Variants in MYO16 observed in about 807,000 individuals in gnomAD.
MYO16 encodes the protein unconventional myosin-XVI.
Under a neutral mutation model 205.3 loss-of-function variants are expected in MYO16, and 94 were observed. That is an observed-to-expected ratio of 0.46 (90% CI 0.39 to 0.54). MYO16 has a LOEUF of 0.54. Among genes scored for constraint, MYO16 ranks in the 20% least tolerant of loss-of-function variants. The pLI is 0.00. For synonymous variants in MYO16, 988 were observed against 954.0 expected (o/e 1.04, Z -0.66); for missense variants, 2,315 against 2,387.5 (o/e 0.97, Z 0.63).
At chr13:108,932,077 C>T (rs778215083) in intron 16 of MYO16, among the ~76,000 whole-genome samples, 6 of 152,140 alleles carry the variant, frequency 3.9e-5, no homozygotes, top group Non-Finnish European at 5.9e-5. Flanking sequence ...CCTTTGTGAA[C>T]GGTGATTAAT....
intron 28 of MYO16, among the ~76,000 whole-genome samples, chr13:109,111,489 C>T (rs150499133): frequency 5.3e-5 from 8 of 152,206 alleles, no homozygotes; most frequent in African/African-American, 7.2e-5. Flanking sequence ...GATGCAACTA[C>T]GATAGTACAT....
chr13:108,611,643 A>G (rs1000409951), intron 1 of MYO16, among the ~76,000 whole-genome samples: 3 of 152,198 alleles, frequency 2.0e-5, no homozygotes, highest in South Asian at 2.1e-4. Flanking sequence ...CATCTGTCAT[A>G]TCATGGGCTC....
chr13:108,804,887 A>C (rs991725048), intron 6 of MYO16, among the ~76,000 whole-genome samples: 1 of 152,146 alleles, frequency 6.6e-6, no homozygotes, highest in Non-Finnish European at 1.5e-5. Context: ...GGGTTGGACT[A>C]AGTTCTAAAT....
intron 16 of MYO16, among the ~76,000 whole-genome samples, chr13:108,927,813 A>C (rs1304539677): frequency 6.6e-6 from 1 of 152,104 alleles, no homozygotes; most frequent in Admixed American, 6.5e-5. Flanking sequence ...TCCACGGATA[A>C]GGAAATAAAT....
At position 108,663,080 on chromosome 13, in the gene MYO16, T is replaced by A. The variant is rs144375713; in HGVS notation, c.29-2806T>A. 3.3e-3 allele frequency among the ~76,000 whole-genome samples: 506 copies of A among 152,320 alleles called. 4 individuals carry two copies. The highest frequency in any genetic ancestry group is 0.012 in the African/African-American group (493 of 41,576). On this transcript the variant is annotated intron_variant, in intron 1 of 34. Transcript: ENST00000457511. The stretch of plus-strand genomic sequence containing the variant: ...GGGTCTCTCTTTCCCTCTTCTGCAG[T>A]TGGGGCACTCATAGTATTTGAGGTT...
At chr13:108,974,315 T>C (rs1179487939) in intron 20 of MYO16, among the ~76,000 whole-genome samples, 1 of 152,172 alleles carries the variant, frequency 6.6e-6, no homozygotes, top group Admixed American at 6.6e-5. Flanking sequence ...AATATACTTA[T>C]GAAACTTTAT....
intron 9 of MYO16, among the ~76,000 whole-genome samples, chr13:108,843,399 G>A (rs575351903): frequency 1.3e-5 from 2 of 152,116 alleles, no homozygotes; most frequent in African/African-American, 4.8e-5. Context: ...TACATTGCTG[G>A]TTATTTTGCC....
chr13:108,940,054 T>C (rs1882659960), intron 16 of MYO16, among the ~76,000 whole-genome samples: 1 of 152,174 alleles, frequency 6.6e-6, no homozygotes, highest in African/African-American at 2.4e-5. Context: ...CCAAATACAT[T>C]ACCATGGTAA....
intron 22 of MYO16, among the ~76,000 whole-genome samples, chr13:109,012,054 C>G (rs375086891): frequency 1.3e-5 from 2 of 151,868 alleles, no homozygotes; most frequent in Non-Finnish European, 2.9e-5. Context: ...ACAGTGAGAA[C>G]GATTAAGATA....
rs544690352 is a variant in MYO16 at position 109,184,222 on chromosome 13, A to G, written c.5415+4589A>G. Among the ~76,000 whole-genome samples the G allele has an allele frequency of 8.5e-5, 13 of 152,210 alleles. No individual in the cohort carries two copies. The East Asian group carries it at 2.3e-3, about 27-fold the overall frequency. On this transcript the variant is annotated intron_variant, in intron 34 of 34. Coordinates refer to ENST00000457511, the MANE Select transcript of MYO16 (RefSeq NM_001198950.3). ...TTTTATATAACCATATATGAGCTACAAAGAGAAGGAGATCTAGCACACAAA... is the reference window on the plus strand; with the variant it reads ...TTTTATATAACCATATATGAGCTACGAAGAGAAGGAGATCTAGCACACAAA...
intron 16 of MYO16, among the ~76,000 whole-genome samples, chr13:108,924,144 A>G (rs972431711): frequency 1.3e-5 from 2 of 152,204 alleles, no homozygotes; most frequent in Admixed American, 6.5e-5. Flanking sequence ...TTAAAAATTC[A>G]TTTGAGTAGG....
chr13:108,733,317 T>C (rs1183639825), intron 4 of MYO16, among the ~76,000 whole-genome samples: 1 of 152,210 alleles, frequency 6.6e-6, no homozygotes, highest in Admixed American at 6.5e-5. Flanking sequence ...TTTCACATGC[T>C]TTACAATTAG....
intron 27 of MYO16, among the ~76,000 whole-genome samples, chr13:109,083,066 A>T (rs559295418): frequency 6.6e-6 from 1 of 152,264 alleles, no homozygotes; most frequent in South Asian, 2.1e-4. Flanking sequence ...AAGGGAATAT[A>T]AAGCTTATGC....
chr13:109,200,339 A>T (rs754368483), intron 34 of MYO16, among the ~76,000 whole-genome samples: 1 of 152,182 alleles, frequency 6.6e-6, no homozygotes, highest in Non-Finnish European at 1.5e-5. Context: ...ATAGCTATTA[A>T]TGTCTGTAAT....
intron 4 of MYO16, among the ~76,000 whole-genome samples, chr13:108,753,370 C>CAAAAAAAAAAAAAAAAAAAAAAAA (rs534466420): frequency 8.9e-5 from 10 of 111,780 alleles, no homozygotes; most frequent in African/African-American, 3.8e-4. Flanking sequence ...AACTCTGTGA[C>CAAAAAAAAAAAAAAAAAAAAAAAA]AAAAAAAAAA....
At chr13:108,847,443 A>G (rs1877580487) in intron 10 of MYO16, among the ~76,000 whole-genome samples, 1 of 152,216 alleles carries the variant, frequency 6.6e-6, no homozygotes, top group Non-Finnish European at 1.5e-5. Context: ...TCTCCAGGGA[A>G]GAGCAGCGTG....
chr13:109,079,943 T>A (rs1251852803), intron 27 of MYO16, among the ~76,000 whole-genome samples: 1 of 150,902 alleles, frequency 6.6e-6, no homozygotes, highest in Non-Finnish European at 1.5e-5. Flanking sequence ...TGGTGTGATC[T>A]CAGCTCACTG....
At chr13:108,583,480 A>G in the MYO16 span, among the ~76,000 whole-genome samples, 1 of 152,142 alleles carries the variant, frequency 6.6e-6, no homozygotes, top group Admixed American at 6.6e-5. Context: ...ACATTGCTAA[A>G]CCTCATATTT....
At chr13:108,950,363 A>G (rs1040091116) in intron 16 of MYO16, among the ~76,000 whole-genome samples, 1 of 152,356 alleles carries the variant, frequency 6.6e-6, no homozygotes, top group South Asian at 2.1e-4. Flanking sequence ...TTCTAGTCCA[A>G]TTAGAAATGG....
Sources: allele counts gnomAD v4.1 joint callset (sites outside exome capture counted in the v4.1 genomes callset), GRCh38; gene constraint gnomAD v4.1.1; transcripts MANE v1.5; gene names NCBI Gene and HGNC (gene_info 2026-07-23, HGNC 2026-07-21).